ANLN: variants seen among roughly 807,000 people sequenced by gnomAD.
The protein encoded by ANLN is anillin.
Under a neutral mutation model 135.1 loss-of-function variants are expected in ANLN, and 59 were observed. The ratio of observed to expected loss-of-function variants is 0.44; its 90% CI spans 0.35 to 0.54. The LOEUF is 0.54. Ranked by LOEUF, ANLN falls within the 20% of genes least tolerant of loss-of-function variation. The pLI, the probability that ANLN is intolerant of heterozygous loss-of-function variation, is 0.00. For synonymous variants in ANLN, 406 were observed against 456.4 expected (o/e 0.89, Z 1.41); for missense variants, 1,182 against 1,340.0 (o/e 0.88, Z 1.84).
chr7:36,453,548 A>G lies in ANLN; in HGVS notation c.*948A>G, dbSNP rs1160823181. On this transcript the variant is annotated 3_prime_UTR_variant, in exon 24 of 24. Coordinates refer to ENST00000265748, the MANE Select transcript of ANLN (RefSeq NM_018685.5). Reference sequence around the variant, plus strand: ...GTGGAAAATTATTAAGTCACCTATCACCTTTAAACGCCTTTTTTTAAAATT... The same window carrying G: ...GTGGAAAATTATTAAGTCACCTATCGCCTTTAAACGCCTTTTTTTAAAATT... The G allele has an allele frequency of 6.6e-6, 1 of 152,182 alleles. No homozygotes were observed. The highest frequency in any genetic ancestry group is 1.5e-5 in the Non-Finnish European group (1 of 68,030). The allele number at this position is 152,182 out of a possible 1,614,324, so 9.4% of individuals were successfully genotyped here. A position where few individuals can be genotyped will look rare whatever the true frequency, so the allele number is the denominator to read the frequency against.
chr7:36,424,796 A>C, intron 17 of ANLN, 54 bp downstream of exon 17: 9 of 1,517,770 alleles, frequency 5.9e-6, no homozygotes, highest in Non-Finnish European at 7.2e-6. Context: ...AATAGATATC[A>C]TCATACCAGT....
At chr7:36,419,598 C>G in intron 10 of ANLN, 119 bp downstream of exon 10, 2 of 773,098 alleles carry the variant, frequency 2.6e-6, no homozygotes, top group Non-Finnish European at 4.1e-6. Context: ...ATTTTGCAGA[C>G]CTGTTGTCTG....
intron 3 of ANLN, 119 bp from the exon 4 acceptor site, chr7:36,406,062 T>C (rs1469798172): frequency 1.1e-6 from 1 of 902,194 alleles, no homozygotes; most frequent in African/African-American, 1.7e-5. Context: ...GCTAGAACTT[T>C]TCACTGGTTC....
At chr7:36,418,920 A>G (rs533957362) in intron 9 of ANLN, among the ~76,000 whole-genome samples, 1 of 151,160 alleles carries the variant, frequency 6.6e-6, no homozygotes, top group East Asian at 1.9e-4. Flanking sequence ...CGCCTGGCTA[A>G]TTTTTTTTGT....
rs141973124 is a variant in ANLN, at chr7:36,396,342, G to A, written c.95G>A (p.Arg32Lys). 176 of 1,608,814 alleles carry A rather than the reference G, an allele frequency of 1.1e-4. No individual in the cohort carries two copies. Among genetic ancestry groups the A allele is most frequent in the Non-Finnish European group, 1.4e-4 (169 of 1,176,102 alleles). ...KMAERPTAAP[R>K]SMTHAKRARQ... The stretch of plus-strand genomic sequence containing the variant: ...GCTGAGAGGCCCACAGCAGCTCCAA[G>A]GTCTATGACTCATGCTAAGCGAGCT... Residue 32 changes from arginine to lysine, a missense_variant, in exon 2 of 24, where the codon AGG (arginine) becomes AAG (lysine). Arg to Lys is a conservative substitution (Grantham distance 26). Transcript: ENST00000265748.
Position 36,396,288 on chromosome 7 carries a change from C to G in ANLN, c.41C>G (p.Ala14Gly). 6 of 1,605,212 alleles carry G rather than the reference C, an allele frequency of 3.7e-6. No homozygotes were observed. The highest frequency in any genetic ancestry group is 5.1e-6 in the Non-Finnish European group (6 of 1,173,758). Residue 14 changes from alanine (A) to glycine (G), a missense_variant, in exon 2 of 24, where the codon GCC becomes GGC. By Grantham distance (60) the Ala-to-Gly change is moderately conservative (BLOSUM62 0). Around this residue, in one of 3 missense-constraint regions of ANLN, gnomAD observed 1,022 missense variants for 1,134.0 expected, o/e 0.90. Transcript: ENST00000265748. Reference sequence around the variant, plus strand: ...TAGAAACTGCTGGAGCGAACCCGTGCCAGGCGAGAGAATCTTCAGAGAAAA... The same window carrying G: ...TAGAAACTGCTGGAGCGAACCCGTGGCAGGCGAGAGAATCTTCAGAGAAAA... ...FTEKLLERTR[A>G]RRENLQRKMA...
chr7:36,429,845 A>T (rs77847513), intron 20 of ANLN, among the ~76,000 whole-genome samples: 11,684 of 152,262 alleles, frequency 0.077, 533 homozygotes, highest in Non-Finnish European at 0.11. Context: ...TTTACAAATT[A>T]AAATTAAATT....
intron 20 of ANLN, 73 bp downstream of exon 20, chr7:36,427,101 C>A: frequency 1.1e-6 from 1 of 906,938 alleles, no homozygotes; most frequent in Non-Finnish European, 1.7e-6. Context: ...ATGGAAATGC[C>A]ACAATGCTTT....
intron 15 of ANLN, 104 bp downstream of exon 15, chr7:36,424,047 T>G (rs1181888823): frequency 1.7e-6 from 2 of 1,176,402 alleles, no homozygotes; most frequent in African/African-American, 1.6e-5. Flanking sequence ...AAACGCCTTA[T>G]GCACATTCTT....
rs1410535764 is a variant in ANLN, at chr7:36,425,710, T to C, written c.2718T>C (p.Thr906=). ...KKKTSKSKAI[T]PKRLLTSITT... ...GCTATCTTTTCTTTTAGGCTATTACTCCAAAGCGACTCCTCACATCTATAA... is the reference window on the plus strand; with the variant it reads ...GCTATCTTTTCTTTTAGGCTATTACCCCAAAGCGACTCCTCACATCTATAA... Residue 906 remains threonine, a synonymous_variant, in exon 18 of 24, where the codon ACT becomes ACC. Coordinates refer to ENST00000265748, the MANE Select transcript of ANLN (RefSeq NM_018685.5). The C allele has an allele frequency of 6.2e-7, 1 of 1,610,712 alleles. No homozygotes were observed. The highest frequency in any genetic ancestry group is 1.1e-5 in the South Asian group (1 of 90,852).
chr7:36,411,325 T>C (rs1787404899), intron 7 of ANLN, among the ~76,000 whole-genome samples, 159 bp downstream of exon 7: 1 of 152,242 alleles, frequency 6.6e-6, no homozygotes, highest in Admixed American at 6.5e-5. Flanking sequence ...TACCAACTCT[T>C]GCTTTTCTTG....
chr7:36,443,133 C>T (rs1201112331), intron 21 of ANLN, among the ~76,000 whole-genome samples: 2 of 152,182 alleles, frequency 1.3e-5, no homozygotes, highest in Non-Finnish European at 2.9e-5. Flanking sequence ...GCACTACTGC[C>T]TTGCCTACCT....
At chr7:36,420,017 G>T in intron 10 of ANLN, 152 bp from the exon 11 acceptor site, 1 of 688,604 alleles carries the variant, frequency 1.5e-6, no homozygotes, top group Non-Finnish European at 2.3e-6. Flanking sequence ...ATTCTTTTAT[G>T]TGTTAGGAAC....
chr7:36,448,284 A>G (rs953656157), intron 22 of ANLN, among the ~76,000 whole-genome samples: 2 of 152,114 alleles, frequency 1.3e-5, no homozygotes, highest in African/African-American at 4.8e-5. Context: ...TGAAGTGTTG[A>G]TATTACAGGC....
Position 36,396,328 on chromosome 7 carries a change from C to T in ANLN, c.81C>T (p.Pro27=), listed in dbSNP as rs1156320217. The part of the protein sequence containing the change: ...ENLQRKMAER[P]TAAPRSMTHA... ...TTCAGAGAAAAATGGCTGAGAGGCC[C>T]ACAGCAGCTCCAAGGTCTATGACTC... is the stretch of plus-strand genomic sequence containing the variant. Residue 27 remains proline (P), a synonymous_variant, in exon 2 of 24, where the codon CCC becomes CCT. Coordinates refer to ENST00000265748, the MANE Select transcript of ANLN (RefSeq NM_018685.5). 1.9e-6 allele frequency: 3 copies of T among 1,608,720 alleles called. No homozygotes were observed. The highest frequency in any genetic ancestry group is 2.6e-6 in the Non-Finnish European group (3 of 1,176,020).
chr7:36,425,911 T>C, intron 18 of ANLN, 104 bp from the exon 19 acceptor site: 1 of 1,179,798 alleles, frequency 8.5e-7, no homozygotes, highest in Admixed American at 2.4e-5. Context: ...CTGAAATGTA[T>C]TTCTTATTGT....
chr7:36,408,788 C>A (rs965386155), intron 5 of ANLN, among the ~76,000 whole-genome samples: 2 of 152,100 alleles, frequency 1.3e-5, no homozygotes, highest in Non-Finnish European at 2.9e-5. Flanking sequence ...AAATTTCTTA[C>A]CATCGTAAAC....
intron 20 of ANLN, among the ~76,000 whole-genome samples, chr7:36,437,332 C>T (rs1249559039): frequency 1.3e-5 from 2 of 152,160 alleles, no homozygotes; most frequent in Non-Finnish European, 2.9e-5. Context: ...ATAATGTCCT[C>T]AAAGTTTGTT....
rs767411716 is a variant in ANLN at position 36,419,270 on chromosome 7, G to A, written c.1660G>A (p.Val554Met). 3.5e-5 allele frequency: 57 copies of A among 1,613,864 alleles called. No individual in the cohort carries two copies. The highest frequency in any genetic ancestry group is 4.7e-5 in the Non-Finnish European group (55 of 1,179,798). The change falls in exon 10 of 24, where the codon GTG becomes ATG. Residue 554 changes from valine (V) to methionine (M), a missense_variant. Around this residue, in one of 3 missense-constraint regions of ANLN, gnomAD observed 1,022 missense variants for 1,134.0 expected, o/e 0.90. Transcript: ENST00000265748. ...IEVIREIEMSVDDDDINSSKV... is the reference protein window; with the variant it reads ...IEVIREIEMSMDDDDINSSKV... The stretch of plus-strand genomic sequence containing the variant: ...AGTGATACGTGAAATTGAGATGAGT[G>A]TGGATGATGATGATATCAATAGTTC...
Sources: allele counts gnomAD v4.1 joint callset (sites outside exome capture counted in the v4.1 genomes callset), GRCh38; gene constraint gnomAD v4.1.1; regional missense constraint gnomAD v4.1.1; transcripts MANE v1.5; gene names NCBI Gene and HGNC (gene_info 2026-07-23, HGNC 2026-07-21).